PCDHA3: variants seen among roughly 807,000 people sequenced by gnomAD.
PCDHA3 encodes the protein protocadherin alpha 3.
In PCDHA3, 41 loss-of-function variants were observed where a neutral mutation model predicts 62.2. The observed-to-expected ratio is 0.66, with a 90% CI of 0.51 to 0.86. The LOEUF (loss-of-function observed/expected upper bound fraction) is 0.86. Ranked by LOEUF, PCDHA3 falls within the 40% of genes least tolerant of loss-of-function variation. The probability of loss-of-function intolerance (pLI) is 0.00; values close to 1 mark genes in which losing one functional copy is unlikely to be tolerated. For synonymous variants in PCDHA3, 640 were observed against 555.4 expected (o/e 1.15, Z -2.14); for missense variants, 1,304 against 1,241.2 (o/e 1.05, Z -0.76).
intron 1 of PCDHA3, among the ~76,000 whole-genome samples, chr5:140,937,127 T>TC: frequency 6.7e-6 from 1 of 149,014 alleles, no homozygotes. Context: ...AAGCTCCGCC[T>TC]CCCGGGTTCA....
intron 1 of PCDHA3, chr5:140,823,188 C>A (rs1562269864): frequency 1.9e-6 from 3 of 1,613,784 alleles, no homozygotes; most frequent in Non-Finnish European, 2.5e-6. Flanking sequence ...CGCCAGGCTG[C>A]CACATCTTCA....
intron 1 of PCDHA3, chr5:140,863,519 A>G (rs1309854310): frequency 7.5e-6 from 3 of 400,164 alleles, no homozygotes; most frequent in Non-Finnish European, 1.5e-5. Context: ...GTGTTCTCCC[A>G]TGGTTCAGAT....
In PCDHA3 at chr5:141,011,697, T is replaced by A. The variant is rs1187125634; in HGVS notation, c.*1760T>A. ...TTTTGTTCTAGTAACAATTTTGGAATGAATACTGACAATATTCCATGAGGG... is the reference window on the plus strand; with the variant it reads ...TTTTGTTCTAGTAACAATTTTGGAAAGAATACTGACAATATTCCATGAGGG... On this transcript the variant is annotated 3_prime_UTR_variant, in exon 4 of 4. Transcript: ENST00000522353. 2 of 153,778 alleles carry A rather than the reference T, an allele frequency of 1.3e-5. No homozygotes were observed. Among genetic ancestry groups the A allele is most frequent in the Non-Finnish European group, 2.9e-5 (2 of 68,036 alleles). The allele number at this position is 153,778 out of a possible 1,614,324, so 9.5% of individuals were successfully genotyped here.
chr5:140,823,039 C>T lies in PCDHA3; in HGVS notation c.2394+19448C>T, dbSNP rs2150121601. On this transcript the variant is annotated intron_variant, in intron 1 of 3. Coordinates refer to ENST00000522353, the MANE Select transcript of PCDHA3 (RefSeq NM_018906.3). ...CCGCGAGAGCGTGTCGGTCTATGAGCTGGTGGTGACCGCGCGGGACGGGGG... is the reference window on the plus strand; with the variant it reads ...CCGCGAGAGCGTGTCGGTCTATGAGTTGGTGGTGACCGCGCGGGACGGGGG... 14 of 1,614,092 alleles carry T rather than the reference C, an allele frequency of 8.7e-6. 1 individual carries two copies. The South Asian group carries it at 1.1e-4, about 13-fold the overall frequency.
intron 1 of PCDHA3, among the ~76,000 whole-genome samples, chr5:140,936,335 A>G (rs1278918836): frequency 2.0e-5 from 3 of 152,176 alleles, no homozygotes; most frequent in South Asian, 2.1e-4. Context: ...AATTTTCTCT[A>G]TCTGCATATA....
chr5:140,856,752 A>G lies in PCDHA3; in HGVS notation c.2394+53161A>G, dbSNP rs201595428. The G allele has an allele frequency of 2.2e-5, 35 of 1,596,730 alleles. 5 individuals carry two copies. Among genetic ancestry groups the G allele is most frequent in the Non-Finnish European group, 3.4e-6 (4 of 1,166,694 alleles). On this transcript the variant is annotated intron_variant, in intron 1 of 3. Transcript: ENST00000522353. ...CTGCTGATCCTGGTGTTAGATGCCA[A>G]TGATAACGCCCCTATCTTTGACAGA...
chr5:140,981,698 A>C (rs1414640370), intron 2 of PCDHA3, among the ~76,000 whole-genome samples: 1 of 151,174 alleles, frequency 6.6e-6, no homozygotes, highest in Non-Finnish European at 1.5e-5. Context: ...TCATTCATTC[A>C]TTCATTCATT....
intron 1 of PCDHA3, chr5:140,843,068 C>A (rs1345239073): frequency 1.9e-6 from 3 of 1,595,102 alleles, no homozygotes; most frequent in Admixed American, 1.7e-5. Flanking sequence ...GCTGGTGCCG[C>A]GGTCTGTGGG....
intron 1 of PCDHA3, among the ~76,000 whole-genome samples, chr5:140,878,595 A>G (rs1413193453): frequency 6.6e-6 from 1 of 152,192 alleles, no homozygotes; most frequent in East Asian, 1.9e-4. Flanking sequence ...CCTATTACCA[A>G]GTGAATCTTC....
At chr5:140,863,770 G>C (rs953823411) in intron 1 of PCDHA3, 1 of 240,010 alleles carries the variant, frequency 4.2e-6, no homozygotes, top group African/African-American at 2.3e-5. Context: ...AAGCCGAGGC[G>C]GGCGGATCAC....
chr5:140,928,990 C>CT, intron 1 of PCDHA3: 2 of 1,613,884 alleles, frequency 1.2e-6, no homozygotes, highest in African/African-American at 1.3e-5. Context: ...GGGGTGCTTA[C>CT]TTTTCTTCGT....
intron 1 of PCDHA3, among the ~76,000 whole-genome samples, chr5:140,923,894 G>A (rs2081566819): frequency 6.6e-6 from 1 of 152,186 alleles, no homozygotes; most frequent in African/African-American, 2.4e-5. Flanking sequence ...AAGAGGAGGA[G>A]TTTCTGTGAA....
chr5:140,835,556 C>CTG, intron 1 of PCDHA3: 8 of 1,613,914 alleles, frequency 5.0e-6, no homozygotes, highest in African/African-American at 1.3e-5. Flanking sequence ...CCCTGACGCC[C>CTG]CGCGTTCCCT....
intron 1 of PCDHA3, among the ~76,000 whole-genome samples, chr5:140,872,514 T>G (rs1223185665): frequency 1.3e-5 from 2 of 152,108 alleles, no homozygotes; most frequent in East Asian, 3.9e-4. Context: ...GTAGTCCCAG[T>G]TTCTTGGGAG....
Position 141,012,063 on chromosome 5 carries a change from T to C in PCDHA3, c.*2126T>C, listed in dbSNP as rs948658172. ...TGGGGTAAAACTTGTTACCAACACATGTGAACCATTGCTACATTGTAGGTT... is the reference window on the plus strand; with the variant it reads ...TGGGGTAAAACTTGTTACCAACACACGTGAACCATTGCTACATTGTAGGTT... On this transcript the variant is annotated 3_prime_UTR_variant, in exon 4 of 4. Transcript: ENST00000522353. The C allele has an allele frequency of 1.3e-5, 2 of 153,778 alleles. No individual in the cohort carries two copies. The highest frequency in any genetic ancestry group is 3.8e-4 in the East Asian group (2 of 5,196). The allele number at this position is 153,778 out of a possible 1,614,324, so 9.5% of individuals were successfully genotyped here. A position where few individuals can be genotyped will look rare whatever the true frequency, so the allele number is the denominator to read the frequency against.
intron 3 of PCDHA3, among the ~76,000 whole-genome samples, chr5:140,985,666 A>G (rs547448150): frequency 1.3e-5 from 2 of 151,942 alleles, no homozygotes; most frequent in South Asian, 4.2e-4. Flanking sequence ...GAATAAAGGA[A>G]GTGGGGCCTG....
chr5:140,808,023 A>G (rs1034066064), intron 1 of PCDHA3: 18 of 1,613,826 alleles, frequency 1.1e-5, no homozygotes, highest in Non-Finnish European at 1.4e-5. Flanking sequence ...GACATTGTTT[A>G]TTCATTCTCA....
At chr5:140,805,979 A>C (rs138393072) in intron 1 of PCDHA3, among the ~76,000 whole-genome samples, 452 of 152,300 alleles carry the variant, frequency 3.0e-3, no homozygotes, top group African/African-American at 0.011. Flanking sequence ...TCCCTTTAAA[A>C]TATATATTCC....
At chr5:140,870,161 CCTT>C in intron 1 of PCDHA3, 2 of 1,614,124 alleles carry the variant, frequency 1.2e-6, no homozygotes, top group Non-Finnish European at 1.7e-6. Flanking sequence ...GCCGTGACTT[CCTT>C]GTCCCTCCCA....
Sources: allele counts gnomAD v4.1 joint callset (sites outside exome capture counted in the v4.1 genomes callset), GRCh38; gene constraint gnomAD v4.1.1; transcripts MANE v1.5; gene names NCBI Gene and HGNC (gene_info 2026-07-23, HGNC 2026-07-21).